The following FGF12 variants were observed in gnomAD, a reference collection of about 807,000 sequenced individuals.
The protein encoded by FGF12 is fibroblast growth factor 12B.
A neutral mutation model predicts 23.6 loss-of-function variants in FGF12; 14 were observed. The observed-to-expected ratio is 0.59, with a 90% CI of 0.39 to 0.93. The LOEUF is 0.93. Among genes scored for constraint, FGF12 ranks in the 40% least tolerant of loss-of-function variants. The probability of loss-of-function intolerance (pLI) is 0.00; values close to 1 mark genes in which losing one functional copy is unlikely to be tolerated. For missense variants in FGF12, 175 were observed against 217.8 expected (o/e 0.80, Z 1.24); for synonymous variants, 62 against 77.3 (o/e 0.80, Z 1.04).
chr3:192,164,156 G>C (rs1056288127), intron 5 of FGF12, among the ~76,000 whole-genome samples: 7 of 152,082 alleles, frequency 4.6e-5, no homozygotes, highest in African/African-American at 1.7e-4. Context: ...CTTTGTCAAA[G>C]AGTATTTGAC....
At chr3:192,619,428 A>C (rs889780335) in intron 2 of FGF12, among the ~76,000 whole-genome samples, 1 of 152,200 alleles carries the variant, frequency 6.6e-6, no homozygotes, top group Non-Finnish European at 1.5e-5. Context: ...ACAAGGCTGA[A>C]GAAGTACATC....
chr3:192,418,515 C>T (rs577589504), intron 2 of FGF12, among the ~76,000 whole-genome samples: 3 of 152,168 alleles, frequency 2.0e-5, no homozygotes, highest in African/African-American at 4.8e-5. Context: ...TTGAGGGACA[C>T]GAAGGATAGG....
chr3:192,540,732 G>A (rs1473576355), intron 2 of FGF12, among the ~76,000 whole-genome samples: 1 of 152,136 alleles, frequency 6.6e-6, no homozygotes, highest in African/African-American at 2.4e-5. Flanking sequence ...TGAAAGTGGG[G>A]TGTTGAAGTC....
intron 2 of FGF12, among the ~76,000 whole-genome samples, chr3:192,392,927 T>C (rs1720370183): frequency 6.6e-6 from 1 of 152,202 alleles, no homozygotes; most frequent in Non-Finnish European, 1.5e-5. Flanking sequence ...GATTACAATG[T>C]TAATGGGGTA....
intron 4 of FGF12, among the ~76,000 whole-genome samples, chr3:192,327,018 T>TA (rs1477419974): frequency 6.6e-6 from 1 of 152,134 alleles, no homozygotes; most frequent in African/African-American, 2.4e-5. Flanking sequence ...CCAAGAGCAG[T>TA]ATGGTATTAT....
At chr3:192,180,777 A>G (rs1230989801) in intron 4 of FGF12, among the ~76,000 whole-genome samples, 1 of 152,208 alleles carries the variant, frequency 6.6e-6, no homozygotes, top group Non-Finnish European at 1.5e-5. Flanking sequence ...AAAACTGGAC[A>G]AAGTATATGA....
chr3:192,655,821 T>C (rs1577102229), intron 2 of FGF12, among the ~76,000 whole-genome samples: 1 of 151,782 alleles, frequency 6.6e-6, no homozygotes, highest in Non-Finnish European at 1.5e-5. Context: ...AGAAAGAAGA[T>C]GATGATGTTT....
chr3:192,330,147 T>C (rs1261608219), intron 4 of FGF12, among the ~76,000 whole-genome samples: 1 of 152,158 alleles, frequency 6.6e-6, no homozygotes, highest in Non-Finnish European at 1.5e-5. Context: ...ATGTCCATAC[T>C]ACCGGAGACA....
intron 4 of FGF12, among the ~76,000 whole-genome samples, chr3:192,175,584 T>G (rs1715816087): frequency 6.6e-6 from 1 of 152,250 alleles, no homozygotes; most frequent in Non-Finnish European, 1.5e-5. Flanking sequence ...ATGCTCCCTC[T>G]TTTATCAGCA....
At position 192,727,288 on chromosome 3, in the gene FGF12, A is replaced by T; in HGVS notation, c.-95T>A. 1 of 1,552,162 alleles carries T rather than the reference A, an allele frequency of 6.4e-7. No individual in the cohort carries two copies. The highest frequency in any genetic ancestry group is 1.2e-5 in the South Asian group (1 of 84,046). Reference sequence around the variant, plus strand: ...CCAAATCTGGGAAGCCAATCTGATGATTTCGCCCGTACTTCCTTCCTTCCC... The same window carrying T: ...CCAAATCTGGGAAGCCAATCTGATGTTTTCGCCCGTACTTCCTTCCTTCCC... On this transcript the variant is annotated 5_prime_UTR_variant, in exon 2 of 6. Transcript: ENST00000445105.
In FGF12 at chr3:192,342,809, C is replaced by T. The variant is rs1037442023; in HGVS notation, c.125-7345G>A. Among the ~76,000 whole-genome samples the T allele has an allele frequency of 4.6e-5, 7 of 152,142 alleles. No homozygotes were observed. The South Asian group carries it at 1.5e-3, about 32-fold the overall frequency. ...CAAAATAAAATAAAAAATAAACATCCTGTCCAATGATACTGCACCAAAAAA... is the reference window on the plus strand; with the variant it reads ...CAAAATAAAATAAAAAATAAACATCTTGTCCAATGATACTGCACCAAAAAA... On this transcript the variant is annotated intron_variant, in intron 3 of 5. Transcript: ENST00000445105.
At chr3:192,242,303 G>T (rs1362318741) in intron 4 of FGF12, among the ~76,000 whole-genome samples, 1 of 152,130 alleles carries the variant, frequency 6.6e-6, no homozygotes, top group Non-Finnish European at 1.5e-5. Flanking sequence ...TTTTTGTTGT[G>T]GGAGCTGTCC....
chr3:192,664,981 A>T (rs1275249939), intron 2 of FGF12, among the ~76,000 whole-genome samples: 1 of 152,344 alleles, frequency 6.6e-6, no homozygotes, highest in African/African-American at 2.4e-5. Context: ...AAGAAAAACA[A>T]ATTATCCAGA....
At chr3:192,259,532 T>A (rs1486590990) in intron 4 of FGF12, among the ~76,000 whole-genome samples, 1 of 152,068 alleles carries the variant, frequency 6.6e-6, no homozygotes, top group Non-Finnish European at 1.5e-5. Flanking sequence ...ACGCACTAAG[T>A]CTCTGACATG....
At chr3:192,258,233 G>A (rs912263699) in intron 4 of FGF12, among the ~76,000 whole-genome samples, 1 of 152,116 alleles carries the variant, frequency 6.6e-6, no homozygotes, top group Non-Finnish European at 1.5e-5. Flanking sequence ...CAAGGTGGAT[G>A]GATCACTTCA....
At chr3:192,156,217 CAG>C (rs1277065712) in intron 5 of FGF12, among the ~76,000 whole-genome samples, 1 of 152,080 alleles carries the variant, frequency 6.6e-6, no homozygotes, top group African/African-American at 2.4e-5. Flanking sequence ...AACAAAGAAA[CAG>C]AAACTCCCTA....
rs1343328292 is a variant in FGF12 at position 192,436,654 on chromosome 3, C to T, written c.14-76116G>A. On this transcript the variant is annotated intron_variant, in intron 2 of 5. Transcript: ENST00000445105. Reference sequence around the variant, plus strand: ...GCCACTGGGTTAGATTGCACAATGTCAGTTTCCCAAAATAACTGCATGTTC... The same window carrying T: ...GCCACTGGGTTAGATTGCACAATGTTAGTTTCCCAAAATAACTGCATGTTC... Among the ~76,000 whole-genome samples, 2 of 152,308 alleles carry T rather than the reference C, an allele frequency of 1.3e-5. 1 individual carries two copies. The highest frequency in any genetic ancestry group is 4.8e-5 in the African/African-American group (2 of 41,562).
chr3:192,434,012 T>G (rs769977997), intron 2 of FGF12, among the ~76,000 whole-genome samples: 1 of 152,170 alleles, frequency 6.6e-6, no homozygotes, highest in Non-Finnish European at 1.5e-5. Flanking sequence ...GTATCCCCAG[T>G]TCAACTTCTC....
At chr3:192,462,518 C>G (rs1443412539) in intron 2 of FGF12, among the ~76,000 whole-genome samples, 1 of 151,974 alleles carries the variant, frequency 6.6e-6, no homozygotes, top group African/African-American at 2.4e-5. Context: ...GCAAATATGC[C>G]CCCTCAATTT....
Sources: allele counts gnomAD v4.1 joint callset (sites outside exome capture counted in the v4.1 genomes callset), GRCh38; gene constraint gnomAD v4.1.1; transcripts MANE v1.5; gene names NCBI Gene and HGNC (gene_info 2026-07-23, HGNC 2026-07-21).